The following GRM7 variants were observed in gnomAD, a reference collection of about 807,000 sequenced individuals.
GRM7 encodes the protein metabotropic glutamate receptor 7.
A neutral mutation model predicts 84.5 loss-of-function variants in GRM7; 35 were observed. That is an observed-to-expected ratio of 0.41 (90% CI 0.32 to 0.55). The LOEUF (loss-of-function observed/expected upper bound fraction) is 0.55. Ranked by LOEUF, GRM7 falls within the 20% of genes least tolerant of loss-of-function variation. The probability of loss-of-function intolerance (pLI) is 0.19; values close to 1 mark genes in which losing one functional copy is unlikely to be tolerated. For missense variants in GRM7, 1,003 were observed against 1,194.6 expected (o/e 0.84, Z 2.36); for synonymous variants, 487 against 455.1 (o/e 1.07, Z -0.89).
chr3:6,867,896 C>T lies in GRM7; in HGVS notation c.519+5989C>T, dbSNP rs78939806. On this transcript the variant is annotated intron_variant, in intron 1 of 9. Transcript: ENST00000357716. ...TATATTTCCATGTTTGACAAGTAAC[C>T]TGCTTTCAACTATATTTACAACTAA... 5.7e-3 allele frequency among the ~76,000 whole-genome samples: 867 copies of T among 152,204 alleles called. 6 individuals carry two copies. Among genetic ancestry groups the T allele is most frequent in the African/African-American group, 0.02 (830 of 41,538 alleles).
intron 8 of GRM7, among the ~76,000 whole-genome samples, chr3:7,619,188 A>T (rs1697248778): frequency 1.3e-5 from 2 of 152,142 alleles, no homozygotes; most frequent in African/African-American, 4.8e-5. Context: ...AGGTAATTAA[A>T]TGTAATTTGA....
chr3:7,504,037 T>A (rs1425819743), intron 7 of GRM7, among the ~76,000 whole-genome samples: 1 of 152,150 alleles, frequency 6.6e-6, no homozygotes, highest in Admixed American at 6.5e-5. Flanking sequence ...ATATCTGACA[T>A]GTTTGCAACT....
chr3:7,466,734 T>C (rs977919981), intron 7 of GRM7, among the ~76,000 whole-genome samples: 1 of 152,224 alleles, frequency 6.6e-6, no homozygotes, highest in Admixed American at 6.5e-5. Context: ...ATGAATATTA[T>C]TTCCTCTTTT....
intron 1 of GRM7, among the ~76,000 whole-genome samples, chr3:7,023,435 G>A (rs1294386528): frequency 6.6e-6 from 1 of 152,074 alleles, no homozygotes; most frequent in Non-Finnish European, 1.5e-5. Context: ...ATTTTCAAAG[G>A]CACTCAGCAT....
chr3:7,219,027 A>C (rs1365462115), intron 2 of GRM7, among the ~76,000 whole-genome samples: 5 of 152,122 alleles, frequency 3.3e-5, no homozygotes, highest in Non-Finnish European at 7.4e-5. Context: ...GTGTTTTGCC[A>C]CTAGTGGTAT....
At chr3:7,502,153 C>T (rs908785732) in intron 7 of GRM7, among the ~76,000 whole-genome samples, 1 of 152,182 alleles carries the variant, frequency 6.6e-6, no homozygotes, top group Admixed American at 6.5e-5. Context: ...TAACATCGCA[C>T]TCTTGCAGAG....
At chr3:7,316,368 A>T (rs1032520213) in intron 4 of GRM7, among the ~76,000 whole-genome samples, 3 of 152,136 alleles carry the variant, frequency 2.0e-5, no homozygotes, top group Admixed American at 6.6e-5. Context: ...AATGCAGAAT[A>T]TAGGGTAAGA....
intron 1 of GRM7, among the ~76,000 whole-genome samples, chr3:6,907,821 A>T (rs1575000022): frequency 6.6e-6 from 1 of 152,152 alleles, no homozygotes; most frequent in Non-Finnish European, 1.5e-5. Context: ...TCTTCATTCA[A>T]CCTTCTTCAG....
intron 8 of GRM7, among the ~76,000 whole-genome samples, chr3:7,616,601 G>GTTGTTTTCT (rs1463974145): frequency 6.6e-6 from 1 of 152,134 alleles, no homozygotes; most frequent in Non-Finnish European, 1.5e-5. Flanking sequence ...GAATCATGCA[G>GTTGTTTTCT]TTGTTTTCTG....
At position 7,372,219 on chromosome 3, in the gene GRM7, A is replaced by G. The variant is rs544667932; in HGVS notation, c.1034-42804A>G. ...GGAACGGTTTGTGGCAGAAGATGGC[A>G]TTCACATTGAGATTTGTTGAGTTTT... On this transcript the variant is annotated intron_variant, in intron 4 of 9. Coordinates refer to ENST00000357716, the MANE Select transcript of GRM7 (RefSeq NM_000844.4). Among the ~76,000 whole-genome samples, 14 of 152,306 alleles carry G rather than the reference A, an allele frequency of 9.2e-5. No homozygotes were observed. In the South Asian group the frequency reaches 2.7e-3, roughly 29 times the overall value.
intron 9 of GRM7, among the ~76,000 whole-genome samples, chr3:7,714,977 A>G (rs2125168272): frequency 6.6e-6 from 1 of 152,320 alleles, no homozygotes; most frequent in South Asian, 2.1e-4. Context: ...CAATGGCTGA[A>G]CCAAGGCTTC....
intron 9 of GRM7, among the ~76,000 whole-genome samples, chr3:7,705,883 C>A (rs543201372): frequency 2.0e-5 from 3 of 152,084 alleles, no homozygotes; most frequent in Non-Finnish European, 2.9e-5. Flanking sequence ...ATAAAGAGTA[C>A]CATGATCTAA....
chr3:7,365,659 ATATATACACACACGC>A (rs2125110694), intron 4 of GRM7, among the ~76,000 whole-genome samples: 1 of 145,526 alleles, frequency 6.9e-6, no homozygotes, highest in East Asian at 2.0e-4. Context: ...ATATATATAT[ATATATACACACACGC>A]ACACACACAC....
At chr3:7,361,775 G>A (rs1000352551) in intron 4 of GRM7, among the ~76,000 whole-genome samples, 1 of 152,096 alleles carries the variant, frequency 6.6e-6, no homozygotes, top group Non-Finnish European at 1.5e-5. Flanking sequence ...TTGAATGTAA[G>A]AACTAATGGG....
intron 7 of GRM7, among the ~76,000 whole-genome samples, chr3:7,562,781 A>G (rs994125402): frequency 6.6e-6 from 1 of 152,126 alleles, no homozygotes; most frequent in African/African-American, 2.4e-5. Context: ...TTTCCTTAAG[A>G]GCAAAACATC....
chr3:7,035,194 A>T (rs1359136277), intron 1 of GRM7, among the ~76,000 whole-genome samples: 1 of 152,166 alleles, frequency 6.6e-6, no homozygotes. Context: ...TTCTCTGTGA[A>T]ATCAGAGATG....
intron 7 of GRM7, among the ~76,000 whole-genome samples, chr3:7,517,879 G>A (rs1700450968): frequency 6.6e-6 from 1 of 152,210 alleles, no homozygotes; most frequent in African/African-American, 2.4e-5. Context: ...GACAGAGGTG[G>A]AATTTGAACT....
At chr3:6,918,317 T>C (rs1697010930) in intron 1 of GRM7, among the ~76,000 whole-genome samples, 1 of 152,202 alleles carries the variant, frequency 6.6e-6, no homozygotes, top group Non-Finnish European at 1.5e-5. Flanking sequence ...GCCTATCGCC[T>C]TGTAGGACGA....
At chr3:7,376,558 AG>A (rs1694359493) in intron 4 of GRM7, among the ~76,000 whole-genome samples, 1 of 152,208 alleles carries the variant, frequency 6.6e-6, no homozygotes, top group African/African-American at 2.4e-5. Context: ...AAGCAGCTTC[AG>A]GGGCACTCTA....
Sources: gnomAD v4.1 joint callset for allele counts (sites outside exome capture counted in the v4.1 genomes callset) on GRCh38, gnomAD v4.1.1 for gene constraint, MANE v1.5 for transcripts, NCBI Gene and HGNC (gene_info 2026-07-23, HGNC 2026-07-21) for gene names.